Variants in RUFY1 observed in about 807,000 individuals in gnomAD.
The protein encoded by RUFY1 is RUN and FYVE domain containing 1.
RUFY1 carries 54 observed loss-of-function variants against 94.6 expected under a neutral mutation model. The ratio of observed to expected loss-of-function variants is 0.57; its 90% confidence interval spans 0.46 to 0.72. The LOEUF (loss-of-function observed/expected upper bound fraction) is 0.72. Ranked by LOEUF, RUFY1 falls within the 30% of genes least tolerant of loss-of-function variation. RUFY1 has a pLI of 0.00. For missense variants in RUFY1, 883 were observed against 883.9 expected (o/e 1.00, Z 0.01); for synonymous variants, 396 against 347.3 (o/e 1.14, Z -1.56).
At chr5:179,561,302 C>T (rs1762438018) in intron 2 of RUFY1, among the ~76,000 whole-genome samples, 1 of 151,876 alleles carries the variant, frequency 6.6e-6, no homozygotes, top group Non-Finnish European at 1.5e-5. Context: ...AGAAAGACTC[C>T]AGGTAACAGG....
intron 7 of RUFY1, 49 bp from the exon 8 acceptor site, chr5:179,585,747 A>G: frequency 1.5e-6 from 2 of 1,362,520 alleles, no homozygotes; most frequent in Non-Finnish European, 2.1e-6. Flanking sequence ...TTGAGAAAAC[A>G]GTCAGCTTGT....
Position 179,585,793 on chromosome 5 carries a change from C to T in RUFY1, c.957-3C>T. On this transcript the variant is annotated splice_region_variant and splice_polypyrimidine_tract_variant and intron_variant, in intron 7 of 17. Coordinates refer to ENST00000319449, the MANE Select transcript of RUFY1 (RefSeq NM_025158.5). ...GTTTACTTAATATTCTTATTTTCTACAGCTGCACAGTTGGGGATCTTCAAA... is the reference window on the plus strand; with the variant it reads ...GTTTACTTAATATTCTTATTTTCTATAGCTGCACAGTTGGGGATCTTCAAA... 1 of 1,606,316 alleles carries T rather than the reference C, an allele frequency of 6.2e-7. No homozygotes were observed. Among genetic ancestry groups the T allele is most frequent in the Non-Finnish European group, 8.5e-7 (1 of 1,172,910 alleles).
chr5:179,590,215 G>C (rs183115284), intron 9 of RUFY1, among the ~76,000 whole-genome samples: 3 of 151,988 alleles, frequency 2.0e-5, no homozygotes, highest in South Asian at 2.1e-4. Context: ...TTAGCTGGGC[G>C]TGGTGGCAGG....
At chr5:179,601,817 C>CA (rs56169514) in intron 14 of RUFY1, 75 bp from the exon 15 acceptor site, 10,453 of 516,664 alleles carry the variant, frequency 0.02, 348 homozygotes, top group African/African-American at 0.035. Context: ...GACCCTGTCT[C>CA]AAAAAAAAAA....
At chr5:179,587,074 G>A (rs1764662121) in intron 8 of RUFY1, among the ~76,000 whole-genome samples, 1 of 152,104 alleles carries the variant, frequency 6.6e-6, no homozygotes, top group African/African-American at 2.4e-5. Context: ...TGCTTTTTGA[G>A]ACAGGGTCTC....
rs56169514 is a variant in RUFY1 at position 179,601,817 on chromosome 5, CAAAAAAAAAA to C, written c.1762-58_1762-49del. The C allele has an allele frequency of 6.4e-3, 3,316 of 518,968 alleles. 14 individuals carry two copies. Among genetic ancestry groups the C allele is most frequent in the Non-Finnish European group, 7.6e-3 (2,339 of 308,024 alleles). 32.1% of individuals were successfully genotyped at this position (518,968 alleles called of 1,614,324 possible). A position where few individuals can be genotyped will look rare whatever the true frequency, so the allele number is the denominator to read the frequency against. On this transcript the variant is annotated intron_variant, in intron 14 of 17. Transcript: ENST00000319449. ...CTGGCAACAGAGCAAGACCCTGTCTCAAAAAAAAAAAAAAAAAAAAAAAAAAGGACCGTGT... is the reference window on the plus strand; with the variant it reads ...CTGGCAACAGAGCAAGACCCTGTCTCAAAAAAAAAAAAAAAAGGACCGTGT...
chr5:179,564,342 A>C (rs1428209319), intron 3 of RUFY1, among the ~76,000 whole-genome samples: 1 of 148,514 alleles, frequency 6.7e-6, no homozygotes, highest in Non-Finnish European at 1.5e-5. Context: ...CTGGTCTCCA[A>C]CTCCTGACCT....
intron 16 of RUFY1, 181 bp from the exon 17 acceptor site, chr5:179,607,401 C>T (rs1767211013): frequency 3.3e-6 from 2 of 612,228 alleles, no homozygotes; most frequent in Admixed American, 5.8e-5. Context: ...GAAATCCCGG[C>T]TGCGGCCAGA....
At chr5:179,563,773 G>A (rs886571168) in intron 3 of RUFY1, among the ~76,000 whole-genome samples, 1 of 152,030 alleles carries the variant, frequency 6.6e-6, no homozygotes, top group Non-Finnish European at 1.5e-5. Context: ...CTAGGTTCAA[G>A]CGATTCTCAT....
intron 1 of RUFY1, among the ~76,000 whole-genome samples, chr5:179,552,576 C>T (rs1429217555): frequency 6.6e-6 from 1 of 152,118 alleles, no homozygotes; most frequent in Non-Finnish European, 1.5e-5. Context: ...CACCTTTTCC[C>T]GAGACTTTTC....
At chr5:179,592,212 C>T (rs924699437) in intron 10 of RUFY1, among the ~76,000 whole-genome samples, 4 of 151,284 alleles carry the variant, frequency 2.6e-5, no homozygotes, top group South Asian at 2.1e-4. Context: ...GTCTGCCTCC[C>T]AGGTTCAAGC....
At chr5:179,574,855 T>TC in intron 5 of RUFY1, among the ~76,000 whole-genome samples, 1 of 152,340 alleles carries the variant, frequency 6.6e-6, no homozygotes, top group South Asian at 2.1e-4. Flanking sequence ...TGCTTTCTAA[T>TC]CCATTGATTT....
chr5:179,580,821 C>G (rs1035841927), intron 6 of RUFY1, 126 bp from the exon 7 acceptor site: 2 of 591,592 alleles, frequency 3.4e-6, no homozygotes, highest in Non-Finnish European at 6.0e-6. Flanking sequence ...TTACTGAGCT[C>G]TGGCTGTCTC....
At chr5:179,566,342 G>A (rs773173341) in intron 3 of RUFY1, among the ~76,000 whole-genome samples, 50 of 151,732 alleles carry the variant, frequency 3.3e-4, no homozygotes, top group Admixed American at 3.9e-4. Flanking sequence ...ATTGGGGCCA[G>A]GCCTGTAATC....
At chr5:179,574,482 T>G (rs1763471618) in intron 5 of RUFY1, among the ~76,000 whole-genome samples, 1 of 152,192 alleles carries the variant, frequency 6.6e-6, no homozygotes, top group Non-Finnish European at 1.5e-5. Flanking sequence ...CAGGAATTAT[T>G]TTTTCTGTGC....
At chr5:179,585,101 A>C (rs564873419) in intron 7 of RUFY1, among the ~76,000 whole-genome samples, 1 of 152,220 alleles carries the variant, frequency 6.6e-6, no homozygotes, top group East Asian at 1.9e-4. Flanking sequence ...ACTGCACTCC[A>C]GACTAGGCGA....
At chr5:179,608,790 G>C (rs1767380996) in intron 17 of RUFY1, among the ~76,000 whole-genome samples, 1 of 151,848 alleles carries the variant, frequency 6.6e-6, no homozygotes, top group African/African-American at 2.4e-5. Flanking sequence ...AACTAACCGG[G>C]CACGGTGGCA....
intron 10 of RUFY1, among the ~76,000 whole-genome samples, chr5:179,593,231 C>T (rs528959196): frequency 1.2e-4 from 18 of 152,156 alleles, no homozygotes; most frequent in Non-Finnish European, 2.1e-4. Context: ...GCGCATGCCA[C>T]CACACCCAGC....
intron 10 of RUFY1, among the ~76,000 whole-genome samples, chr5:179,591,954 GT>G (rs560843784): frequency 2.0e-5 from 3 of 151,478 alleles, no homozygotes; most frequent in Non-Finnish European, 4.4e-5. Context: ...GTTTGTTTGG[GT>G]TTTTTTTCAA....
Sources: allele counts gnomAD v4.1 joint callset (sites outside exome capture counted in the v4.1 genomes callset), GRCh38; gene constraint gnomAD v4.1.1; transcripts MANE v1.5; gene names NCBI Gene and HGNC (gene_info 2026-07-23, HGNC 2026-07-21).